Variants in GRIN2B observed in about 807,000 individuals in gnomAD.
GRIN2B encodes glutamate ionotropic receptor NMDA type subunit 2B.
Under a neutral mutation model 114.5 loss-of-function variants are expected in GRIN2B, and 5 were observed. That is an observed-to-expected ratio of 0.04 (90% confidence interval 0.02 to 0.09). GRIN2B has a LOEUF of 0.09. Among genes scored for constraint, GRIN2B ranks in the 10% least tolerant of loss-of-function variants. The probability of loss-of-function intolerance (pLI) is 1.00; values close to 1 mark genes in which losing one functional copy is unlikely to be tolerated. For missense variants in GRIN2B, 1,108 were observed against 1,943.5 expected (o/e 0.57, Z 8.08); for synonymous variants, 787 against 745.1 (o/e 1.06, Z -0.92).
intron 9 of GRIN2B, among the ~76,000 whole-genome samples, chr12:13,609,270 C>CCA (rs1949329001): frequency 6.6e-6 from 1 of 152,204 alleles, no homozygotes; most frequent in African/African-American, 2.4e-5. Context: ...CTTCCAAAAA[C>CCA]ATCAGCAAGA....
intron 3 of GRIN2B, among the ~76,000 whole-genome samples, chr12:13,839,257 C>A (rs893355461): frequency 7.9e-5 from 12 of 152,168 alleles, no homozygotes; most frequent in South Asian, 2.1e-4. Context: ...CATGCAGAGA[C>A]ATCCACAGAA....
At chr12:13,945,526 T>C (rs986711626) in intron 2 of GRIN2B, among the ~76,000 whole-genome samples, 8 of 152,200 alleles carry the variant, frequency 5.3e-5, no homozygotes, top group African/African-American at 1.4e-4. Context: ...GATAAGTTCC[T>C]GTGAATACAA....
chr12:13,803,063 C>T (rs1864544955), intron 3 of GRIN2B, among the ~76,000 whole-genome samples: 1 of 152,104 alleles, frequency 6.6e-6, no homozygotes, highest in Admixed American at 6.6e-5. Flanking sequence ...TATCCACTTC[C>T]ACTTAATGAA....
At chr12:13,605,234 G>A (rs1949223124) in intron 10 of GRIN2B, among the ~76,000 whole-genome samples, 2 of 152,106 alleles carry the variant, frequency 1.3e-5, no homozygotes, top group Non-Finnish European at 2.9e-5. Flanking sequence ...CCATAATAGA[G>A]CACTAATTTC....
chr12:13,897,897 G>A (rs1866378749), intron 2 of GRIN2B, among the ~76,000 whole-genome samples: 1 of 151,762 alleles, frequency 6.6e-6, no homozygotes, highest in Middle Eastern at 3.4e-3. Flanking sequence ...CCTGGGCCCA[G>A]ATTATCTTAA....
chr12:13,742,873 G>C (rs187964604), intron 4 of GRIN2B, among the ~76,000 whole-genome samples: 7 of 152,300 alleles, frequency 4.6e-5, no homozygotes, highest in Admixed American at 2.0e-4. Context: ...GAACTTCAGG[G>C]GAATTTCCTA....
chr12:13,811,115 A>T (rs1864720410), intron 3 of GRIN2B, among the ~76,000 whole-genome samples: 1 of 152,248 alleles, frequency 6.6e-6, no homozygotes, highest in Admixed American at 6.5e-5. Context: ...AACTTCAGTG[A>T]AATGGACATC....
Position 13,545,967 on chromosome 12 carries a change from T to C in GRIN2B, c.*16816A>G, listed in dbSNP as rs1397572534. ...ATTAAATCAATCTGTAAAATGCCTATTTGTAATCGAATCTAGCAATTTTCT... is the reference window on the plus strand; with the variant it reads ...ATTAAATCAATCTGTAAAATGCCTACTTGTAATCGAATCTAGCAATTTTCT... On this transcript the variant is annotated 3_prime_UTR_variant, in exon 14 of 14. Transcript: ENST00000609686. The C allele has an allele frequency of 6.6e-6, 1 of 152,230 alleles. No homozygotes were observed. Among genetic ancestry groups the C allele is most frequent in the African/African-American group, 2.4e-5 (1 of 41,458 alleles). 9.4% of individuals were successfully genotyped at this position (152,230 alleles called of 1,614,324 possible).
Position 13,567,049 on chromosome 12 carries a change from A to G in GRIN2B, c.2574T>C (p.Pro858=). 1 of 1,613,584 alleles carries G rather than the reference A, an allele frequency of 6.2e-7. No individual in the cohort carries two copies. Among genetic ancestry groups the G allele is most frequent in the South Asian group, 1.1e-5 (1 of 91,082 alleles). ...CTCTGCTGATGGAGAAGACCATGCC[A>G]GGCTTGCCAGAACAGACACCCATAA... ...HCFMGVCSGK[P]GMVFSISRGI... The change falls in exon 13 of 14, where the codon CCT becomes CCC. Residue 858 remains proline (P), a synonymous_variant. Transcript: ENST00000609686.
chr12:13,794,594 G>T (rs1864384207), intron 3 of GRIN2B, among the ~76,000 whole-genome samples: 1 of 152,184 alleles, frequency 6.6e-6, no homozygotes, highest in Non-Finnish European at 1.5e-5. Flanking sequence ...TATGTCTCCA[G>T]CAAGAAATCC....
intron 2 of GRIN2B, among the ~76,000 whole-genome samples, chr12:13,887,671 C>A (rs1193070525): frequency 6.6e-6 from 1 of 152,208 alleles, no homozygotes; most frequent in Admixed American, 6.5e-5. Flanking sequence ...ACCCACTCAT[C>A]TAGGACAAGT....
chr12:13,704,863 A>G lies in GRIN2B; in HGVS notation c.1011-29004T>C, dbSNP rs373192258. Among the ~76,000 whole-genome samples, 8 of 152,274 alleles carry G rather than the reference A, an allele frequency of 5.3e-5. No homozygotes were observed. In the East Asian group the frequency reaches 1.2e-3, roughly 22 times the overall value. Reference sequence around the variant, plus strand: ...GATTTCTCATTTGTAAATAAAACACATGTCACTGATACTTTTATTCCTCAT... The same window carrying G: ...GATTTCTCATTTGTAAATAAAACACGTGTCACTGATACTTTTATTCCTCAT... On this transcript the variant is annotated intron_variant, in intron 4 of 13. Transcript: ENST00000609686.
intron 4 of GRIN2B, among the ~76,000 whole-genome samples, chr12:13,752,837 C>G (rs1591711955): frequency 6.6e-6 from 1 of 152,202 alleles, no homozygotes; most frequent in African/African-American, 2.4e-5. Context: ...TACTACAATA[C>G]GGCAACATTC....
intron 4 of GRIN2B, among the ~76,000 whole-genome samples, chr12:13,752,193 A>G (rs1863494770): frequency 6.6e-6 from 1 of 152,178 alleles, no homozygotes; most frequent in Non-Finnish European, 1.5e-5. Flanking sequence ...TTAATATTTT[A>G]TTTATTAAGC....
At chr12:13,896,454 TGCAAA>T (rs1371366910) in intron 2 of GRIN2B, among the ~76,000 whole-genome samples, 5 of 152,146 alleles carry the variant, frequency 3.3e-5, no homozygotes, top group African/African-American at 1.2e-4. Context: ...AGTGAGGGCA[TGCAAA>T]GCATCCAAAG....
intron 2 of GRIN2B, among the ~76,000 whole-genome samples, chr12:13,966,854 G>GA (rs1272729420): frequency 6.6e-6 from 1 of 152,150 alleles, no homozygotes; most frequent in Non-Finnish European, 1.5e-5. Context: ...GATGGATAAG[G>GA]AATCTGATAG....
chr12:13,939,942 G>A (rs192738168), intron 2 of GRIN2B, among the ~76,000 whole-genome samples: 1 of 152,248 alleles, frequency 6.6e-6, no homozygotes, highest in Admixed American at 6.5e-5. Flanking sequence ...GAGTGTGCCT[G>A]TGCATTAGGT....
At chr12:13,695,182 C>G (rs1295620115) in intron 4 of GRIN2B, among the ~76,000 whole-genome samples, 1 of 152,050 alleles carries the variant, frequency 6.6e-6, no homozygotes, top group Non-Finnish European at 1.5e-5. Flanking sequence ...GGGGTGTATC[C>G]TAACCATCAT....
chr12:13,807,345 A>G (rs1408317298), intron 3 of GRIN2B, among the ~76,000 whole-genome samples: 4 of 152,070 alleles, frequency 2.6e-5, no homozygotes, highest in Non-Finnish European at 1.5e-5. Context: ...AAAGTCCTTC[A>G]CACCACTTCA....
Sources: allele counts gnomAD v4.1 joint callset (sites outside exome capture counted in the v4.1 genomes callset), GRCh38; gene constraint gnomAD v4.1.1; transcripts MANE v1.5; gene names NCBI Gene and HGNC (gene_info 2026-07-23, HGNC 2026-07-21).